Variants in MTHFD2L observed in about 807,000 individuals in gnomAD.
MTHFD2L encodes methylenetetrahydrofolate dehydrogenase (NADP+ dependent) 2 like.
Under a neutral mutation model 34.9 loss-of-function variants are expected in MTHFD2L, and 29 were observed. The ratio of observed to expected loss-of-function variants is 0.83; its 90% confidence interval spans 0.62 to 1.13. MTHFD2L has a LOEUF of 1.13. MTHFD2L is among the 50% of genes most tolerant of loss of function. The pLI is 0.00. For missense variants in MTHFD2L, 481 were observed against 446.5 expected, an observed-to-expected ratio of 1.08 and a Z score of -0.70; for synonymous variants, 167 against 155.7, an observed-to-expected ratio of 1.07 and a Z score of -0.54.
upstream of MTHFD2L, among the ~76,000 whole-genome samples, chr4:74,120,097 A>T (rs954045271): frequency 6.6e-6 from 1 of 152,240 alleles, no homozygotes; most frequent in African/African-American, 2.4e-5. Context: ...CACATTGCTA[A>T]AGTTAAGAAG....
intron 3 of MTHFD2L, among the ~76,000 whole-genome samples, chr4:74,184,470 A>G (rs1336005508): frequency 6.6e-6 from 1 of 152,222 alleles, no homozygotes; most frequent in Non-Finnish European, 1.5e-5. Flanking sequence ...TCAAAAGTAA[A>G]TAACAACCTT....
intron 7 of MTHFD2L, among the ~76,000 whole-genome samples, chr4:74,292,374 TGA>T (rs1334824240): frequency 6.6e-6 from 1 of 152,210 alleles, no homozygotes; most frequent in Non-Finnish European, 1.5e-5. Context: ...TGAACTGTGA[TGA>T]GTTTTTTTTT....
At chr4:74,270,803 C>T (rs1307320401) in intron 6 of MTHFD2L, among the ~76,000 whole-genome samples, 3 of 152,014 alleles carry the variant, frequency 2.0e-5, no homozygotes, top group Admixed American at 2.0e-4. Context: ...TCAAAGTGTT[C>T]CTATTTCTCC....
chr4:74,231,578 T>G (rs1740074246), intron 6 of MTHFD2L, among the ~76,000 whole-genome samples: 1 of 152,182 alleles, frequency 6.6e-6, no homozygotes, highest in African/African-American at 2.4e-5. Context: ...TAAGGGTTCC[T>G]TCCCTCCTTC....
intron 5 of MTHFD2L, among the ~76,000 whole-genome samples, chr4:74,203,184 T>C (rs912553558): frequency 6.6e-6 from 1 of 150,966 alleles, no homozygotes; most frequent in African/African-American, 2.4e-5. Context: ...GACTTGATAA[T>C]GACTCCAGAT....
At chr4:74,242,685 G>A (rs1380956651) in intron 6 of MTHFD2L, among the ~76,000 whole-genome samples, 3 of 152,158 alleles carry the variant, frequency 2.0e-5, no homozygotes, top group African/African-American at 7.2e-5. Flanking sequence ...TGGACAGTGG[G>A]ATGTGCTTTT....
intron 1 of MTHFD2L, among the ~76,000 whole-genome samples, chr4:74,138,559 G>A (rs1194003968): frequency 6.6e-6 from 1 of 152,112 alleles, no homozygotes; most frequent in African/African-American, 2.4e-5. Flanking sequence ...TAACCATGCA[G>A]GAACAATGGC....
At chr4:74,193,457 A>G (rs1732924618) in intron 3 of MTHFD2L, among the ~76,000 whole-genome samples, 1 of 152,212 alleles carries the variant, frequency 6.6e-6, no homozygotes, top group Non-Finnish European at 1.5e-5. Context: ...ATATACATTT[A>G]AGAATCTAAC....
chr4:74,183,108 A>G (rs1197684087), intron 3 of MTHFD2L: 1 of 152,166 alleles, frequency 6.6e-6, no homozygotes, highest in Non-Finnish European at 1.5e-5. Context: ...CTTAAAAGCA[A>G]TAAGGGGGTT....
chr4:74,199,560 C>G (rs1423248717), intron 3 of MTHFD2L, among the ~76,000 whole-genome samples: 2 of 151,974 alleles, frequency 1.3e-5, no homozygotes, highest in East Asian at 3.9e-4. Flanking sequence ...CCGGTCCAGC[C>G]ACTTTTGGCT....
intron 2 of MTHFD2L, among the ~76,000 whole-genome samples, chr4:74,116,548 T>A (rs966046383): frequency 1.3e-5 from 2 of 152,204 alleles, no homozygotes; most frequent in African/African-American, 4.8e-5. Flanking sequence ...CCCAAGGCCC[T>A]GAAAAAAGCC....
chr4:74,293,513 A>G (rs2110316635), intron 7 of MTHFD2L: 1 of 983,714 alleles, frequency 1.0e-6, no homozygotes, highest in East Asian at 1.1e-4. Flanking sequence ...GAACATCTCA[A>G]TATATTTAGA....
intron 3 of MTHFD2L, chr4:74,183,766 C>G (rs1691186963): frequency 6.6e-6 from 1 of 150,986 alleles, no homozygotes. Context: ...TGGTAACTAC[C>G]TGAATAAATA....
intron 6 of MTHFD2L, among the ~76,000 whole-genome samples, chr4:74,277,895 G>A (rs1375280320): frequency 1.3e-5 from 2 of 151,984 alleles, no homozygotes; most frequent in African/African-American, 4.8e-5. Flanking sequence ...GTTTCACTGT[G>A]TGGTCAGTGC....
intron 1 of MTHFD2L, among the ~76,000 whole-genome samples, chr4:74,142,317 G>A (rs924350629): frequency 2.6e-5 from 4 of 152,162 alleles, no homozygotes; most frequent in East Asian, 1.9e-4. Context: ...TATTGTAACA[G>A]TATTTTGAAG....
At chr4:74,252,787 G>A (rs1244967863) in intron 6 of MTHFD2L, among the ~76,000 whole-genome samples, 1 of 152,010 alleles carries the variant, frequency 6.6e-6, no homozygotes, top group Non-Finnish European at 1.5e-5. Context: ...TTCAGAAGGT[G>A]ATACTAGAGA....
Position 74,201,277 on chromosome 4 carries a change from G to A in MTHFD2L, c.619G>A (p.Gly207Arg), listed in dbSNP as rs756786979. The change falls in exon 5 of 8, where the codon GGA becomes AGA. Residue 207 changes from glycine (G) to arginine (R), a missense_variant. Physicochemically the swap from Gly to Arg is moderately radical, Grantham distance 125. Coordinates refer to ENST00000325278, the MANE Select transcript of MTHFD2L (RefSeq NM_001144978.3). ...TGTATTTTAAGGAATTCAAACATTT[G>A]GAAAAAATGTGGTTGTGGCTGGAAG... Reference protein sequence around the residue: ...IIKRTGIQTFGKNVVVAGRSK... With the variant: ...IIKRTGIQTFRKNVVVAGRSK... 19 of 1,613,208 alleles carry A rather than the reference G, an allele frequency of 1.2e-5. No homozygotes were observed. In the South Asian group the frequency reaches 2.0e-4, roughly 17 times the overall value.
At chr4:74,123,097 A>G (rs1484302914), upstream of MTHFD2L, among the ~76,000 whole-genome samples, 3 of 152,192 alleles carry the variant, frequency 2.0e-5, no homozygotes, top group East Asian at 5.8e-4. Flanking sequence ...TTAAATTTTA[A>G]GCATGCTGAA....
intron 1 of MTHFD2L, among the ~76,000 whole-genome samples, chr4:74,173,485 A>G (rs1728419186): frequency 6.6e-6 from 1 of 152,208 alleles, no homozygotes; most frequent in Admixed American, 6.5e-5. Context: ...AGTGACAAGC[A>G]TGGCAAGACT....
Sources: gnomAD v4.1 joint callset for allele counts (sites outside exome capture counted in the v4.1 genomes callset) on GRCh38, gnomAD v4.1.1 for gene constraint, MANE v1.5 for transcripts, NCBI Gene and HGNC (gene_info 2026-07-23, HGNC 2026-07-21) for gene names.